Variants in SUCO observed in about 807,000 individuals in gnomAD.
SUCO encodes the protein SUN domain containing ossification factor.
In SUCO, 57 loss-of-function variants were observed where a neutral mutation model predicts 148.1. That is an observed-to-expected ratio of 0.38 (90% CI 0.31 to 0.48). The LOEUF (loss-of-function observed/expected upper bound fraction) is 0.48, where lower values mean the gene tolerates loss of function less well. SUCO is among the 20% of genes least tolerant of loss of function. SUCO has a pLI of 0.96. For missense variants in SUCO, 1,331 were observed against 1,468.2 expected (o/e 0.91, Z 1.53); for synonymous variants, 470 against 502.7 (o/e 0.93, Z 0.87).
At position 172,533,317 on chromosome 1, in the gene SUCO, C is replaced by T. The variant is rs1195003781; in HGVS notation, c.-119C>T. On this transcript the variant is annotated 5_prime_UTR_variant, in exon 1 of 24. Coordinates refer to ENST00000263688, the MANE Select transcript of SUCO (RefSeq NM_014283.5). Reference sequence around the variant, plus strand: ...AGGAGCCGCTCAGCCAGCGCCATAGCCCTTAGGACTATCGGTCACATTCTC... The same window carrying T: ...AGGAGCCGCTCAGCCAGCGCCATAGTCCTTAGGACTATCGGTCACATTCTC... The T allele has an allele frequency of 6.4e-7, 1 of 1,551,112 alleles. No individual in the cohort carries two copies. Among genetic ancestry groups the T allele is most frequent in the East Asian group, 2.4e-5 (1 of 40,910 alleles).
chr1:172,532,776 AC>A (rs758508902), upstream of SUCO: 1 of 1,612,138 alleles, frequency 6.2e-7, no homozygotes, highest in Non-Finnish European at 8.5e-7. Context: ...CCTTGCGCGG[AC>A]TCAGCGCGCG....
chr1:172,537,612 T>G (rs1652121720), intron 1 of SUCO, among the ~76,000 whole-genome samples: 1 of 152,004 alleles, frequency 6.6e-6, no homozygotes, highest in African/African-American at 2.4e-5. Flanking sequence ...TTTGTGGGAC[T>G]TCCACTCTTT....
chr1:172,552,212 C>T (rs911995578), intron 2 of SUCO: 1 of 151,774 alleles, frequency 6.6e-6, no homozygotes, highest in Non-Finnish European at 1.5e-5. Flanking sequence ...CATTCCTTTC[C>T]CCAAAGGAAC....
intron 15 of SUCO, 26 bp downstream of exon 15, chr1:172,579,293 C>T (rs376646194): frequency 7.0e-7 from 1 of 1,426,462 alleles, no homozygotes; most frequent in Non-Finnish European, 9.8e-7. Context: ...ATTTTCTATT[C>T]ATTCTACTAC....
At chr1:172,561,218 G>A (rs1654126554) in intron 6 of SUCO, among the ~76,000 whole-genome samples, 1 of 152,216 alleles carries the variant, frequency 6.6e-6, no homozygotes, top group Non-Finnish European at 1.5e-5. Context: ...AGGATCATGA[G>A]TGCACTGGAG....
rs968051038 is a variant in SUCO at position 172,570,585 on chromosome 1, A to G, written c.982-78A>G. The G allele has an allele frequency of 4.1e-6, 4 of 974,758 alleles. No individual in the cohort carries two copies. In the Admixed American group the frequency reaches 6.8e-5, roughly 16 times the overall value. 60.4% of individuals were successfully genotyped at this position (974,758 alleles called of 1,614,324 possible). A position where few individuals can be genotyped will look rare whatever the true frequency, so the allele number is the denominator to read the frequency against. On this transcript the variant is annotated intron_variant, in intron 8 of 23. Coordinates refer to ENST00000263688, the MANE Select transcript of SUCO (RefSeq NM_014283.5). Reference sequence around the variant, plus strand: ...TAAGATCTAAAAATACAGAAGTCCCAGAAAACTTTAAAGTTAAAATAAATA... The same window carrying G: ...TAAGATCTAAAAATACAGAAGTCCCGGAAAACTTTAAAGTTAAAATAAATA...
At position 172,551,501 on chromosome 1, in the gene SUCO, G is replaced by A; in HGVS notation, c.63-11G>A. On this transcript the variant is annotated splice_polypyrimidine_tract_variant and intron_variant, in intron 1 of 23. Coordinates refer to ENST00000263688, the MANE Select transcript of SUCO (RefSeq NM_014283.5). Reference sequence around the variant, plus strand: ...TTTTTCTGTTTGTTGGTGGTGGTGGGTGTTTTACAGGCTTCCCAGCTGGCG... The same window carrying A: ...TTTTTCTGTTTGTTGGTGGTGGTGGATGTTTTACAGGCTTCCCAGCTGGCG... The A allele has an allele frequency of 6.5e-7, 1 of 1,535,950 alleles. No homozygotes were observed. Among genetic ancestry groups the A allele is most frequent in the Non-Finnish European group, 8.9e-7 (1 of 1,125,152 alleles).
chr1:172,570,133 TGTG>T lies in SUCO; in HGVS notation c.947_949del (p.Gly316del). 1 of 1,588,842 alleles carries T rather than the reference TGTG, an allele frequency of 6.3e-7. No homozygotes were observed. ...TCGAAATAATTATGCCTCAGTAGAA[TGTG>T]GTGCCAAAATTCTAGCAGCTAATCC... On this transcript the variant is annotated inframe_deletion, in exon 8 of 24. Coordinates refer to ENST00000263688, the MANE Select transcript of SUCO (RefSeq NM_014283.5).
intron 1 of SUCO, among the ~76,000 whole-genome samples, chr1:172,541,712 C>T (rs1309558592): frequency 6.6e-6 from 1 of 152,170 alleles, no homozygotes; most frequent in Non-Finnish European, 1.5e-5. Context: ...TTTCTGTTGT[C>T]CATCTCAATG....
At position 172,589,150 on chromosome 1, in the gene SUCO, A is replaced by T. The variant is rs781211645; in HGVS notation, c.2049A>T (p.Gly683=). ...VDVSVLQPLS[G]ELENTNIERE... ...TTTCAGTATTGCAACCTCTGAGTGG[A>T]GAATTGGAAAATACGAATATAGAAA... The change falls in exon 18 of 24, where the codon GGA becomes GGT. Residue 683 remains glycine, a synonymous_variant. Coordinates refer to ENST00000263688, the MANE Select transcript of SUCO (RefSeq NM_014283.5). The T allele has an allele frequency of 5.0e-6, 8 of 1,613,788 alleles. No homozygotes were observed. Among genetic ancestry groups the T allele is most frequent in the Non-Finnish European group, 6.8e-6 (8 of 1,179,908 alleles).
At chr1:172,532,386 G>A (rs537241047), upstream of SUCO, 340 of 989,784 alleles carry the variant, frequency 3.4e-4, 4 homozygotes, top group Middle Eastern at 6.1e-3. Flanking sequence ...AAGCAACGAA[G>A]CACACTTAAA....
chr1:172,603,212 T>C (rs1657646579), intron 22 of SUCO: 3 of 158,444 alleles, frequency 1.9e-5, no homozygotes, highest in Admixed American at 6.3e-5. Flanking sequence ...AAATCTGGTC[T>C]CTTTTTTTTA....
chr1:172,588,082 TAGA>T, intron 17 of SUCO: 13 of 985,212 alleles, frequency 1.3e-5, no homozygotes, highest in Non-Finnish European at 1.6e-5. Context: ...GTATTTGGCT[TAGA>T]AGATTAGCCT....
intron 17 of SUCO, among the ~76,000 whole-genome samples, chr1:172,586,850 C>T (rs1163156550): frequency 1.3e-5 from 2 of 152,012 alleles, no homozygotes; most frequent in African/African-American, 2.4e-5. Context: ...CTGTGTTAAT[C>T]CTGAAAGTTA....
chr1:172,592,689 A>G (rs554721073), intron 19 of SUCO, among the ~76,000 whole-genome samples: 20 of 152,156 alleles, frequency 1.3e-4, no homozygotes, highest in South Asian at 2.1e-4. Flanking sequence ...GCCTTGTAGT[A>G]TAGTTTGAAG....
intron 11 of SUCO, among the ~76,000 whole-genome samples, chr1:172,576,619 A>T (rs1331512352): frequency 6.6e-6 from 1 of 151,712 alleles, no homozygotes; most frequent in African/African-American, 2.4e-5. Context: ...TGAAGAGGCA[A>T]AAACGTTAAA....
At chr1:172,589,987 A>G in intron 18 of SUCO, 61 bp downstream of exon 18, 1 of 1,319,624 alleles carries the variant, frequency 7.6e-7, no homozygotes, top group South Asian at 1.8e-5. Flanking sequence ...AGCATAGAGT[A>G]TGACCTGTGA....
intron 6 of SUCO, among the ~76,000 whole-genome samples, chr1:172,567,170 T>C (rs902286507): frequency 3.3e-5 from 5 of 152,250 alleles, no homozygotes; most frequent in Admixed American, 2.0e-4. Flanking sequence ...GGATATTTCA[T>C]GTTAGTGCTC....
Position 172,574,411 on chromosome 1 carries a change from A to G in SUCO, c.1157+413A>G, listed in dbSNP as rs138164608. ...AAAAACATACATGTGTAGGTGCTTTATGAGGTATATTTTTATTAAAATATA... is the reference window on the plus strand; with the variant it reads ...AAAAACATACATGTGTAGGTGCTTTGTGAGGTATATTTTTATTAAAATATA... On this transcript the variant is annotated intron_variant, in intron 10 of 23. Transcript: ENST00000263688. Among the ~76,000 whole-genome samples, 279 of 152,156 alleles carry G rather than the reference A, an allele frequency of 1.8e-3. 1 individual carries two copies. The highest frequency in any genetic ancestry group is 6.5e-3 in the African/African-American group (271 of 41,556).
Sources: allele counts gnomAD v4.1 joint callset (sites outside exome capture counted in the v4.1 genomes callset), GRCh38; gene constraint gnomAD v4.1.1; transcripts MANE v1.5; gene names NCBI Gene and HGNC (gene_info 2026-07-23, HGNC 2026-07-21).